NRXN1: variants seen among roughly 807,000 people sequenced by gnomAD.
The protein encoded by NRXN1 is neurexin-1.
NRXN1 carries 39 observed loss-of-function variants against 150.9 expected under a neutral mutation model. The ratio of observed to expected loss-of-function variants is 0.26; its 90% CI spans 0.20 to 0.34. The LOEUF is 0.34. NRXN1 is among the 10% of genes least tolerant of loss of function. The pLI is 1.00. For synonymous variants in NRXN1, 924 were observed against 757.0 expected, an observed-to-expected ratio of 1.22 and a Z score of -3.62; for missense variants, 1,815 against 1,949.9, an observed-to-expected ratio of 0.93 and a Z score of 1.30.
intron 10 of NRXN1, among the ~76,000 whole-genome samples, chr2:50,537,543 A>G (rs913754116): frequency 6.6e-6 from 1 of 152,200 alleles, no homozygotes; most frequent in Non-Finnish European, 1.5e-5. Flanking sequence ...AAAGAAAAAT[A>G]AAATGTGGGT....
chr2:50,781,638 C>T (rs1704362815), intron 5 of NRXN1, among the ~76,000 whole-genome samples: 1 of 152,184 alleles, frequency 6.6e-6, no homozygotes, highest in Non-Finnish European at 1.5e-5. Flanking sequence ...AAAAACCAGA[C>T]TTTCTAAAGA....
chr2:50,387,466 T>C (rs1448564168), intron 17 of NRXN1, among the ~76,000 whole-genome samples: 2 of 152,182 alleles, frequency 1.3e-5, no homozygotes, highest in South Asian at 2.1e-4. Flanking sequence ...ACAGAACTAA[T>C]AGCAGTCAGT....
intron 21 of NRXN1, among the ~76,000 whole-genome samples, chr2:50,030,039 C>G (rs1688961421): frequency 6.6e-6 from 1 of 152,066 alleles, no homozygotes; most frequent in Non-Finnish European, 1.5e-5. Context: ...GTCTGGGTAA[C>G]TATGTGTCAA....
chr2:50,209,168 C>T (rs1915226), intron 18 of NRXN1, among the ~76,000 whole-genome samples: 46,659 of 151,932 alleles, frequency 0.31, 7,641 homozygotes, highest in East Asian at 0.43. Flanking sequence ...GAGTACTCCA[C>T]TTCTTTGATA....
At chr2:50,334,192 A>AATTTTATATAT (rs57808424) in intron 17 of NRXN1, among the ~76,000 whole-genome samples, 47 of 118,952 alleles carry the variant, frequency 4.0e-4, no homozygotes, top group African/African-American at 9.9e-4. Context: ...ACCAGGACCA[A>AATTTTATATAT]ATATATATAT....
intron 5 of NRXN1, among the ~76,000 whole-genome samples, chr2:50,788,253 AT>A (rs531389570): frequency 1.3e-5 from 2 of 151,492 alleles, no homozygotes; most frequent in African/African-American, 4.8e-5. Context: ...TGCCTGGTTA[AT>A]TTTTTTTGTA....
chr2:50,172,870 G>C (rs550520840), intron 18 of NRXN1, among the ~76,000 whole-genome samples: 1 of 152,320 alleles, frequency 6.6e-6, no homozygotes, highest in African/African-American at 2.4e-5. Flanking sequence ...GGGAGGCTGA[G>C]ACAGGAGAAT....
In NRXN1 at chr2:50,765,962, T is replaced by C. The variant is rs116280866; in HGVS notation, c.833-142347A>G. ...AGTCTCAGTGACTGATTGGTTTTTATGCCTAGAAGAGAAAGCAAATTTTGA... is the reference window on the plus strand; with the variant it reads ...AGTCTCAGTGACTGATTGGTTTTTACGCCTAGAAGAGAAAGCAAATTTTGA... On this transcript the variant is annotated intron_variant, in intron 5 of 22. Coordinates refer to ENST00000401669, the MANE Select transcript of NRXN1 (RefSeq NM_001330078.2). 7.4e-3 allele frequency among the ~76,000 whole-genome samples: 1,123 copies of C among 152,152 alleles called. 16 individuals carry two copies. The highest frequency in any genetic ancestry group is 0.026 in the African/African-American group (1,092 of 41,542).
intron 17 of NRXN1, among the ~76,000 whole-genome samples, chr2:50,299,377 C>T (rs766068460): frequency 6.6e-6 from 1 of 151,430 alleles, no homozygotes; most frequent in Non-Finnish European, 1.5e-5. Flanking sequence ...TAAAGTAATG[C>T]TAAAGATAGT....
rs1390200352 is a variant in NRXN1, at chr2:50,654,113, T to C, written c.833-30498A>G. Among the ~76,000 whole-genome samples the C allele has an allele frequency of 2.7e-5, 4 of 150,308 alleles. No homozygotes were observed. In the East Asian group the frequency reaches 8.0e-4, roughly 30 times the overall value. Reference sequence around the variant, plus strand: ...GTTACATATGTATACATGTGCCATGTTGGTGTGCTGCACCCATTAACTCGT... The same window carrying C: ...GTTACATATGTATACATGTGCCATGCTGGTGTGCTGCACCCATTAACTCGT... On this transcript the variant is annotated intron_variant, in intron 5 of 22. Coordinates refer to ENST00000401669, the MANE Select transcript of NRXN1 (RefSeq NM_001330078.2).
At chr2:50,643,036 T>C (rs549103685) in intron 5 of NRXN1, among the ~76,000 whole-genome samples, 1 of 152,188 alleles carries the variant, frequency 6.6e-6, no homozygotes, top group East Asian at 1.9e-4. Context: ...TTAAAAATAC[T>C]ATATTGAATA....
intron 18 of NRXN1, among the ~76,000 whole-genome samples, chr2:50,123,808 A>T (rs1004517070): frequency 6.6e-6 from 1 of 152,178 alleles, no homozygotes; most frequent in Non-Finnish European, 1.5e-5. Context: ...GGAAAAGGCA[A>T]CAGGCAGTAT....
At chr2:50,393,538 G>A (rs2081873725) in intron 17 of NRXN1, among the ~76,000 whole-genome samples, 1 of 152,126 alleles carries the variant, frequency 6.6e-6, no homozygotes, top group South Asian at 2.1e-4. Context: ...AGAAAAATGA[G>A]AAAGATAGGT....
chr2:50,684,411 A>G (rs1408486517), intron 5 of NRXN1, among the ~76,000 whole-genome samples: 1 of 152,054 alleles, frequency 6.6e-6, no homozygotes, highest in South Asian at 2.1e-4. Flanking sequence ...CTAAGGTGGG[A>G]AGATCTCTTG....
intron 18 of NRXN1, among the ~76,000 whole-genome samples, chr2:50,101,359 G>A (rs746388572): frequency 2.6e-5 from 4 of 152,010 alleles, no homozygotes; most frequent in East Asian, 1.9e-4. Flanking sequence ...GCTAATTGTT[G>A]ACATTTTTTA....
At chr2:51,031,550 C>A (rs1671553597) in intron 1 of NRXN1, among the ~76,000 whole-genome samples, 1 of 152,036 alleles carries the variant, frequency 6.6e-6, no homozygotes, top group South Asian at 2.1e-4. Flanking sequence ...AATGCACAGC[C>A]AAAATTCTCT....
At chr2:50,458,685 T>C (rs1438360366) in intron 17 of NRXN1, among the ~76,000 whole-genome samples, 1 of 151,992 alleles carries the variant, frequency 6.6e-6, no homozygotes, top group Non-Finnish European at 1.5e-5. Flanking sequence ...GTTCAAGTGA[T>C]TCTGCTACCT....
intron 5 of NRXN1, among the ~76,000 whole-genome samples, chr2:50,680,276 T>C (rs1690183750): frequency 6.6e-6 from 1 of 152,126 alleles, no homozygotes; most frequent in Non-Finnish European, 1.5e-5. Context: ...AAAATAACAC[T>C]GTTTCTTCTG....
chr2:49,927,549 T>C (rs1669312307), intron 22 of NRXN1, among the ~76,000 whole-genome samples: 1 of 152,258 alleles, frequency 6.6e-6, no homozygotes, highest in East Asian at 1.9e-4. Flanking sequence ...TGAATGTTAA[T>C]AAATTTTTCC....
Sources: gnomAD v4.1 joint callset for allele counts (sites outside exome capture counted in the v4.1 genomes callset) on GRCh38, gnomAD v4.1.1 for gene constraint, MANE v1.5 for transcripts, NCBI Gene and HGNC (gene_info 2026-07-23, HGNC 2026-07-21) for gene names.